Variants in BMPR1B observed in about 807,000 individuals in gnomAD.
BMPR1B encodes bone morphogenetic protein receptor type-1B.
In BMPR1B, 12 loss-of-function variants were observed where a neutral mutation model predicts 59.1. The observed-to-expected ratio is 0.20, with a 90% CI of 0.13 to 0.33. BMPR1B has a LOEUF of 0.33. Among genes scored for constraint, BMPR1B ranks in the 10% least tolerant of loss-of-function variants. The probability of loss-of-function intolerance (pLI) is 1.00; values close to 1 mark genes in which losing one functional copy is unlikely to be tolerated. For synonymous variants in BMPR1B, 237 were observed against 207.3 expected (o/e 1.14, Z -1.23); for missense variants, 550 against 610.9 (o/e 0.90, Z 1.05).
Position 95,127,889 on chromosome 4 carries a change from AT to A in BMPR1B, c.586-1960del, listed in dbSNP as rs556277617. On this transcript the variant is annotated intron_variant, in intron 8 of 12. Coordinates refer to ENST00000515059, the MANE Select transcript of BMPR1B (RefSeq NM_001203.3). Reference sequence around the variant, plus strand: ...AAATGTTCATGCCCTAATCCCCAGGATTTTTTTTTTTTTAAGACAAGGTCTT... The same window carrying A: ...AAATGTTCATGCCCTAATCCCCAGGATTTTTTTTTTTTAAGACAAGGTCTT... Among the ~76,000 whole-genome samples the A allele has an allele frequency of 3.7e-3, 540 of 144,290 alleles. 1 individual carries two copies. Among genetic ancestry groups the A allele is most frequent in the Middle Eastern group, 0.011 (3 of 282 alleles). The allele number at this position is 144,290 out of a possible 152,430, so 94.7% of individuals were successfully genotyped here.
At chr4:94,802,314 T>G (rs892598335) in intron 1 of BMPR1B, among the ~76,000 whole-genome samples, 2 of 152,106 alleles carry the variant, frequency 1.3e-5, no homozygotes, top group Non-Finnish European at 2.9e-5. Flanking sequence ...GAGGCCTGGG[T>G]AGGCTCCAAG....
intron 3 of BMPR1B, among the ~76,000 whole-genome samples, chr4:95,009,718 A>G (rs1465383578): frequency 6.6e-6 from 1 of 152,148 alleles, no homozygotes; most frequent in Non-Finnish European, 1.5e-5. Flanking sequence ...GGGGCCCTTC[A>G]TAGTTTGGTA....
chr4:95,013,778 A>G (rs1365694469), intron 3 of BMPR1B, among the ~76,000 whole-genome samples: 4 of 152,160 alleles, frequency 2.6e-5, no homozygotes, highest in Admixed American at 2.6e-4. Context: ...TTATTATACT[A>G]CTTATTATAT....
intron 1 of BMPR1B, among the ~76,000 whole-genome samples, chr4:94,762,879 T>G (rs1721834386): frequency 6.6e-6 from 1 of 150,576 alleles, no homozygotes; most frequent in Non-Finnish European, 1.5e-5. Flanking sequence ...TTTGCGGGGC[T>G]GGGGGCTGGG....
intron 1 of BMPR1B, among the ~76,000 whole-genome samples, chr4:94,873,892 C>T (rs1319151571): frequency 6.6e-6 from 1 of 152,126 alleles, no homozygotes; most frequent in Non-Finnish European, 1.5e-5. Context: ...TCTTGGAGAC[C>T]TGAAACTCTG....
chr4:94,786,684 AC>A (rs1722776050), intron 1 of BMPR1B, among the ~76,000 whole-genome samples: 2 of 151,060 alleles, frequency 1.3e-5, no homozygotes, highest in African/African-American at 4.9e-5. Context: ...GACTACAGGC[AC>A]CCACCACCAT....
At chr4:94,967,525 C>T (rs1054763414) in intron 2 of BMPR1B, among the ~76,000 whole-genome samples, 20 of 152,082 alleles carry the variant, frequency 1.3e-4, no homozygotes, top group Middle Eastern at 3.4e-3. Context: ...CTCTGTCACC[C>T]AGGCTGGAGT....
intron 3 of BMPR1B, among the ~76,000 whole-genome samples, chr4:95,083,434 G>A (rs1271826857): frequency 6.6e-6 from 1 of 152,154 alleles, no homozygotes; most frequent in Non-Finnish European, 1.5e-5. Context: ...AAAATTTACA[G>A]TGTTTTTCAA....
intron 2 of BMPR1B, among the ~76,000 whole-genome samples, chr4:94,887,684 A>C (rs1044927202): frequency 2.0e-5 from 3 of 152,012 alleles, no homozygotes; most frequent in African/African-American, 7.2e-5. Flanking sequence ...TCAAAGAAAA[A>C]CAGGAAAAAG....
intron 4 of BMPR1B, among the ~76,000 whole-genome samples, chr4:95,107,992 A>T (rs1388539806): frequency 1.3e-5 from 2 of 151,990 alleles, no homozygotes; most frequent in Non-Finnish European, 2.9e-5. Flanking sequence ...TACCCTCCAA[A>T]TCGGTACTTC....
intron 3 of BMPR1B, among the ~76,000 whole-genome samples, chr4:95,016,668 T>G (rs1723607940): frequency 1.3e-5 from 2 of 152,218 alleles, no homozygotes; most frequent in South Asian, 4.1e-4. Context: ...ATTTGCGAAG[T>G]GTTTTCCACA....
chr4:95,091,458 A>G, intron 3 of BMPR1B: 1 of 985,330 alleles, frequency 1.0e-6, no homozygotes, highest in Non-Finnish European at 1.2e-6. Flanking sequence ...AGGCAACCAC[A>G]GTCTGGGCTG....
intron 3 of BMPR1B, among the ~76,000 whole-genome samples, chr4:95,072,970 G>A (rs1349041682): frequency 1.3e-5 from 2 of 152,114 alleles, no homozygotes; most frequent in African/African-American, 4.8e-5. Flanking sequence ...TGACCAATAT[G>A]ATATAGCTCT....
intron 1 of BMPR1B, among the ~76,000 whole-genome samples, chr4:94,869,311 T>C (rs1726386932): frequency 6.6e-6 from 1 of 152,228 alleles, no homozygotes; most frequent in Non-Finnish European, 1.5e-5. Flanking sequence ...TCTTTTTCTT[T>C]AAACCTTTTT....
chr4:94,779,783 G>A (rs1193835512), intron 1 of BMPR1B, among the ~76,000 whole-genome samples: 1 of 151,990 alleles, frequency 6.6e-6, no homozygotes, highest in African/African-American at 2.4e-5. Context: ...AGTGAGCCGA[G>A]ATCGTGCCAC....
At chr4:94,805,898 A>G (rs891088838) in intron 1 of BMPR1B, among the ~76,000 whole-genome samples, 1 of 152,196 alleles carries the variant, frequency 6.6e-6, no homozygotes, top group African/African-American at 2.4e-5. Flanking sequence ...ATGAATGAAT[A>G]AATATGGATC....
intron 2 of BMPR1B, among the ~76,000 whole-genome samples, chr4:94,913,476 A>G (rs1016460858): frequency 3.9e-4 from 60 of 152,268 alleles, no homozygotes; most frequent in African/African-American, 1.3e-3. Context: ...TTGAACCACA[A>G]ATTTTTAGTC....
At chr4:94,855,974 C>T (rs1189823497) in intron 1 of BMPR1B, among the ~76,000 whole-genome samples, 1 of 152,138 alleles carries the variant, frequency 6.6e-6, no homozygotes, top group African/African-American at 2.4e-5. Flanking sequence ...AATAACTTTG[C>T]AGTTGTTAAC....
At chr4:94,818,426 TAC>T (rs1384318819) in intron 1 of BMPR1B, among the ~76,000 whole-genome samples, 1 of 152,212 alleles carries the variant, frequency 6.6e-6, no homozygotes, top group Admixed American at 6.5e-5. Flanking sequence ...TTCTGAGGGT[TAC>T]ACAACTGGTT....
Sources: allele counts gnomAD v4.1 joint callset (sites outside exome capture counted in the v4.1 genomes callset), GRCh38; gene constraint gnomAD v4.1.1; transcripts MANE v1.5; gene names NCBI Gene and HGNC (gene_info 2026-07-23, HGNC 2026-07-21).